SLC9A9: variants seen among roughly 807,000 people sequenced by gnomAD.
SLC9A9 encodes solute carrier family 9 member A9.
Under a neutral mutation model 77.8 loss-of-function variants are expected in SLC9A9, and 62 were observed. That is an observed-to-expected ratio of 0.80 (90% CI 0.65 to 0.98). The LOEUF is 0.98. SLC9A9 is among the 50% of genes least tolerant of loss of function. The pLI is 0.00. For synonymous variants in SLC9A9, 320 were observed against 283.5 expected, an observed-to-expected ratio of 1.13 and a Z score of -1.29; for missense variants, 775 against 774.9, an observed-to-expected ratio of 1.00 and a Z score of 0.00.
chr3:143,720,231 T>C lies in SLC9A9; in HGVS notation c.534-26924A>G, dbSNP rs144217187. Among the ~76,000 whole-genome samples, 1,488 of 151,192 alleles carry C rather than the reference T, an allele frequency of 9.8e-3. 25 individuals carry two copies. The highest frequency in any genetic ancestry group is 0.033 in the African/African-American group (1,357 of 41,150). On this transcript the variant is annotated intron_variant, in intron 4 of 15. Transcript: ENST00000316549. Reference sequence around the variant, plus strand: ...GTACATGTGTACATGTATGTGTCTATATGTATTTTATATATATATATTTTT... The same window carrying C: ...GTACATGTGTACATGTATGTGTCTACATGTATTTTATATATATATATTTTT...
At chr3:143,428,983 C>T (rs2034457450) in intron 12 of SLC9A9, among the ~76,000 whole-genome samples, 1 of 152,120 alleles carries the variant, frequency 6.6e-6, no homozygotes, top group Admixed American at 6.6e-5. Flanking sequence ...AGTTTTGGTG[C>T]TCTATTACAC....
chr3:143,799,155 G>C (rs920202076), intron 2 of SLC9A9, among the ~76,000 whole-genome samples: 13 of 152,134 alleles, frequency 8.5e-5, no homozygotes, highest in Admixed American at 7.9e-4. Context: ...TCCCAAATCA[G>C]TTAGCATTTG....
At chr3:143,387,901 C>G (rs2033465033) in intron 12 of SLC9A9, among the ~76,000 whole-genome samples, 2 of 152,150 alleles carry the variant, frequency 1.3e-5, no homozygotes, top group African/African-American at 4.8e-5. Context: ...TACCACTTAG[C>G]ACCTCCAAAA....
intron 12 of SLC9A9, among the ~76,000 whole-genome samples, chr3:143,393,959 A>T (rs2033634754): frequency 6.6e-6 from 1 of 152,058 alleles, no homozygotes; most frequent in Admixed American, 6.5e-5. Context: ...GCAATAATTA[A>T]CAGCTTACCA....
chr3:143,538,527 G>T (rs2036631237), intron 9 of SLC9A9, among the ~76,000 whole-genome samples: 1 of 152,198 alleles, frequency 6.6e-6, no homozygotes, highest in African/African-American at 2.4e-5. Flanking sequence ...AATTTCTTTT[G>T]TGGCCCTAGG....
At chr3:143,743,296 C>CAGAT (rs148201446) in intron 4 of SLC9A9, among the ~76,000 whole-genome samples, 1 of 147,484 alleles carries the variant, frequency 6.8e-6, no homozygotes. Context: ...GATAGACAGA[C>CAGAT]AGATAGATAG....
chr3:143,807,288 A>T (rs545898058), intron 2 of SLC9A9, among the ~76,000 whole-genome samples: 10 of 152,322 alleles, frequency 6.6e-5, no homozygotes, highest in African/African-American at 2.4e-4. Flanking sequence ...TAAATATAGG[A>T]TGAGCAGATC....
intron 14 of SLC9A9, among the ~76,000 whole-genome samples, chr3:143,312,734 C>T (rs1482957125): frequency 6.6e-6 from 1 of 152,232 alleles, no homozygotes; most frequent in Non-Finnish European, 1.5e-5. Flanking sequence ...GTTCATCCTT[C>T]AGCACAGCTG....
chr3:143,380,780 C>T (rs1416018872), intron 13 of SLC9A9, among the ~76,000 whole-genome samples: 1 of 152,206 alleles, frequency 6.6e-6, no homozygotes, highest in Non-Finnish European at 1.5e-5. Context: ...AATTTCCCAG[C>T]CTTTTCCACA....
intron 9 of SLC9A9, 100 bp downstream of exon 9, chr3:143,552,261 TC>T (rs2036902231): frequency 1.2e-6 from 1 of 808,064 alleles, no homozygotes; most frequent in East Asian, 2.7e-5. Flanking sequence ...CTTACATTCT[TC>T]CTTTACTAAT....
rs929840605 is a variant in SLC9A9 at position 143,350,705 on chromosome 3, T to C, written c.1604+12779A>G. On this transcript the variant is annotated intron_variant, in intron 14 of 15. Transcript: ENST00000316549. Reference sequence around the variant, plus strand: ...TTACTTTGTGGGGCAAATATGATTATACTCATCTTACAGATTAGAAAATAG... The same window carrying C: ...TTACTTTGTGGGGCAAATATGATTACACTCATCTTACAGATTAGAAAATAG... 2.6e-5 allele frequency among the ~76,000 whole-genome samples: 4 copies of C among 152,208 alleles called. No homozygotes were observed. In the South Asian group the frequency reaches 6.2e-4, roughly 24 times the overall value.
intron 14 of SLC9A9, among the ~76,000 whole-genome samples, chr3:143,322,367 C>A (rs1194100236): frequency 1.3e-5 from 2 of 152,132 alleles, no homozygotes; most frequent in African/African-American, 2.4e-5. Context: ...AGGCATCAGT[C>A]TTCTGCCTTT....
At chr3:143,693,527 T>C (rs1395060900) in intron 4 of SLC9A9, among the ~76,000 whole-genome samples, 1 of 152,170 alleles carries the variant, frequency 6.6e-6, no homozygotes, top group African/African-American at 2.4e-5. Context: ...TGGTAAAAGG[T>C]AATGCAACAG....
Position 143,514,212 on chromosome 3 carries a change from C to CTTT in SLC9A9, c.1090-18767_1090-18765dup, listed in dbSNP as rs34218404. Among the ~76,000 whole-genome samples, 1,365 of 146,508 alleles carry CTTT rather than the reference C, an allele frequency of 9.3e-3. 19 individuals are homozygous for CTTT. The highest frequency in any genetic ancestry group is 0.032 in the African/African-American group (1,269 of 39,730). On this transcript the variant is annotated intron_variant, in intron 9 of 15. Coordinates refer to ENST00000316549, the MANE Select transcript of SLC9A9 (RefSeq NM_173653.4). ...AGAGCAGCAATATTTTGAAAGGAAC[C>CTTT]TTTTTTTTTTTTTCTGAGCAGTAAA...
At chr3:143,740,015 T>C (rs574276490) in intron 4 of SLC9A9, among the ~76,000 whole-genome samples, 89 of 152,306 alleles carry the variant, frequency 5.8e-4, no homozygotes, top group African/African-American at 2.1e-3. Context: ...GGTTTCCATA[T>C]GGTGAGTCAG....
intron 14 of SLC9A9, among the ~76,000 whole-genome samples, chr3:143,320,098 G>T (rs2108445276): frequency 6.6e-6 from 1 of 152,312 alleles, no homozygotes; most frequent in South Asian, 2.1e-4. Flanking sequence ...AGAGATGACA[G>T]TTTTTAACCA....
intron 9 of SLC9A9, among the ~76,000 whole-genome samples, chr3:143,540,574 T>C (rs1408434122): frequency 1.3e-5 from 2 of 152,116 alleles, no homozygotes; most frequent in African/African-American, 2.4e-5. Flanking sequence ...ATAGAATGCA[T>C]AAATAAATTG....
At chr3:143,827,236 C>T (rs2009322690) in intron 2 of SLC9A9, among the ~76,000 whole-genome samples, 1 of 152,172 alleles carries the variant, frequency 6.6e-6, no homozygotes, top group African/African-American at 2.4e-5. Flanking sequence ...AGGGTTACAA[C>T]CAGTTGCAGG....
At chr3:143,799,257 G>T (rs963565361) in intron 2 of SLC9A9, among the ~76,000 whole-genome samples, 2 of 152,114 alleles carry the variant, frequency 1.3e-5, no homozygotes, top group African/African-American at 4.8e-5. Context: ...ACCCATAGGG[G>T]CCAGAAGGCC....
Sources: gnomAD v4.1 joint callset for allele counts (sites outside exome capture counted in the v4.1 genomes callset) on GRCh38, gnomAD v4.1.1 for gene constraint, MANE v1.5 for transcripts, NCBI Gene and HGNC (gene_info 2026-07-23, HGNC 2026-07-21) for gene names.